ZNF536: variants seen among roughly 807,000 people sequenced by gnomAD.
ZNF536 encodes zinc finger protein 536.
A neutral mutation model predicts 84.5 loss-of-function variants in ZNF536; 13 were observed. The ratio of observed to expected loss-of-function variants is 0.15; its 90% CI spans 0.10 to 0.24. ZNF536 has a LOEUF of 0.24. Among genes scored for constraint, ZNF536 ranks in the 10% least tolerant of loss-of-function variants. The probability of loss-of-function intolerance (pLI) is 1.00; values close to 1 mark genes in which losing one functional copy is unlikely to be tolerated. For missense variants in ZNF536, 1,536 were observed against 1,747.5 expected, an observed-to-expected ratio of 0.88 and a Z score of 2.16; for synonymous variants, 811 against 742.5, an observed-to-expected ratio of 1.09 and a Z score of -1.50.
chr19:30,597,718 G>GT (rs1443090101), intron 1 of ZNF536, among the ~76,000 whole-genome samples: 1 of 152,088 alleles, frequency 6.6e-6, no homozygotes, highest in Non-Finnish European at 1.5e-5. Context: ...GCTACTGTCA[G>GT]TATTATTGTA....
intron 1 of ZNF536, among the ~76,000 whole-genome samples, chr19:30,282,869 A>G (rs546604422): frequency 6.6e-6 from 1 of 152,308 alleles, no homozygotes; most frequent in African/African-American, 2.4e-5. Flanking sequence ...CGTGTTGGAG[A>G]TGGTTGAGAC....
chr19:30,696,519 G>A (rs186425821), intron 1 of ZNF536, among the ~76,000 whole-genome samples: 1 of 152,326 alleles, frequency 6.6e-6, no homozygotes, highest in African/African-American at 2.4e-5. Flanking sequence ...AATGATTTAA[G>A]GTCCCCGATC....
At chr19:30,348,866 C>T (rs990596410) in intron 2 of ZNF536, among the ~76,000 whole-genome samples, 1 of 150,158 alleles carries the variant, frequency 6.7e-6, no homozygotes, top group Non-Finnish European at 1.5e-5. Context: ...AGAATGAATG[C>T]CAGTGCACCT....
intron 2 of ZNF536, among the ~76,000 whole-genome samples, chr19:30,486,935 T>C (rs2054324314): frequency 6.6e-6 from 1 of 152,316 alleles, no homozygotes; most frequent in Admixed American, 6.5e-5. Flanking sequence ...GGAACACAGT[T>C]CATCTGCTCT....
intron 2 of ZNF536, among the ~76,000 whole-genome samples, chr19:30,347,696 G>A (rs1425326041): frequency 6.6e-6 from 1 of 152,140 alleles, no homozygotes; most frequent in Non-Finnish European, 1.5e-5. Flanking sequence ...AGGTATACAG[G>A]GCCAGGGGTC....
intron 1 of ZNF536, among the ~76,000 whole-genome samples, chr19:30,420,822 T>C (rs1385764452): frequency 6.6e-6 from 1 of 152,308 alleles, no homozygotes; most frequent in Non-Finnish European, 1.5e-5. Context: ...CTCAGAATTA[T>C]GGTGCTATTT....
chr19:30,257,832 T>C (rs898896368), intron 1 of ZNF536, among the ~76,000 whole-genome samples: 6 of 152,246 alleles, frequency 3.9e-5, no homozygotes, highest in Admixed American at 6.5e-5. Context: ...TCTAAGAGTC[T>C]GCATGGGGAC....
At chr19:30,356,067 G>A (rs907095926) in intron 3 of ZNF536, among the ~76,000 whole-genome samples, 1 of 152,158 alleles carries the variant, frequency 6.6e-6, no homozygotes, top group Non-Finnish European at 1.5e-5. Flanking sequence ...AAACATTGAG[G>A]CAACCGTTGG....
At chr19:30,502,109 T>C (rs1283975107) in intron 2 of ZNF536, among the ~76,000 whole-genome samples, 1 of 152,226 alleles carries the variant, frequency 6.6e-6, no homozygotes, top group Non-Finnish European at 1.5e-5. Context: ...CCCATATCTT[T>C]GCCTGAACGA....
At chr19:30,618,747 TTTTG>T (rs1207443564) in intron 1 of ZNF536, among the ~76,000 whole-genome samples, 2 of 152,126 alleles carry the variant, frequency 1.3e-5, no homozygotes, top group African/African-American at 2.4e-5. Context: ...ATTTATTACT[TTTTG>T]TTTATTTTAT....
At chr19:30,262,275 C>T (rs558889923) in intron 1 of ZNF536, among the ~76,000 whole-genome samples, 1 of 152,224 alleles carries the variant, frequency 6.6e-6, no homozygotes. Context: ...GGCGGCTGCC[C>T]AGGACATAGG....
chr19:30,378,989 T>C (rs1484906272), intron 1 of ZNF536, among the ~76,000 whole-genome samples: 1 of 152,084 alleles, frequency 6.6e-6, no homozygotes, highest in Non-Finnish European at 1.5e-5. Context: ...ATAAGGAGTG[T>C]GGGGAGGGGG....
chr19:30,712,333 T>C lies in ZNF536; in HGVS notation c.*1332T>C, dbSNP rs1182821453. ...TGGTGTAAAGTTGAGCCTTTTAACA[T>C]ACTTCCTTTGAGTGACATGAAATTG... On this transcript the variant is annotated 3_prime_UTR_variant, in exon 2 of 2. Coordinates refer to the ZNF536 transcript ENST00000592773. The C allele has an allele frequency of 3.3e-5, 5 of 152,064 alleles. No homozygotes were observed. The East Asian group carries it at 9.6e-4, about 29-fold the overall frequency. The allele number at this position is 152,064 out of a possible 1,614,324, so 9.4% of individuals were successfully genotyped here. A position where few individuals can be genotyped will look rare whatever the true frequency, so the allele number is the denominator to read the frequency against.
chr19:30,529,442 T>C (rs960419843), intron 2 of ZNF536, among the ~76,000 whole-genome samples: 3 of 152,178 alleles, frequency 2.0e-5, no homozygotes, highest in Non-Finnish European at 4.4e-5. Context: ...TACTGCCGCT[T>C]TGTGGTCCAG....
upstream of ZNF536, among the ~76,000 whole-genome samples, chr19:30,225,806 G>T (rs1475566277): frequency 6.6e-6 from 1 of 150,986 alleles, no homozygotes; most frequent in African/African-American, 2.4e-5. Flanking sequence ...CTCTTGGCGC[G>T]GCCCCCCCGT....
At position 30,277,603 on chromosome 19, in the gene ZNF536, G is replaced by T. The variant is rs1003738885; in HGVS notation, c.-189-6469G>T. 2.0e-5 allele frequency among the ~76,000 whole-genome samples: 3 copies of T among 152,176 alleles called. 1 individual carries two copies. The highest frequency in any genetic ancestry group is 7.2e-5 in the African/African-American group (3 of 41,432). ...CGTATGATGCTGGGCTCTGTGTCAG[G>T]GTGGCAACTGCTGTCTACCTCCAAC... On this transcript the variant is annotated intron_variant, in intron 1 of 5. Coordinates refer to the ZNF536 transcript ENST00000585628.
downstream of ZNF536, among the ~76,000 whole-genome samples, chr19:30,560,817 A>C (rs1599809500): frequency 6.6e-6 from 1 of 152,264 alleles, no homozygotes; most frequent in East Asian, 1.9e-4. Flanking sequence ...ACTTTTTCTC[A>C]AAGAAACTTC....
intron 2 of ZNF536, among the ~76,000 whole-genome samples, chr19:30,489,071 G>A (rs1396139660): frequency 1.3e-5 from 2 of 152,100 alleles, no homozygotes; most frequent in East Asian, 1.9e-4. Flanking sequence ...GAATCACTGG[G>A]GCAGAGAACC....
intron 1 of ZNF536, among the ~76,000 whole-genome samples, chr19:30,607,710 CAAA>C (rs11424933): frequency 1.5e-5 from 2 of 131,530 alleles, no homozygotes; most frequent in Non-Finnish European, 1.6e-5. Flanking sequence ...TGACATGTCT[CAAA>C]AAAAAAAAAA....
Sources: gnomAD v4.1 joint callset for allele counts (sites outside exome capture counted in the v4.1 genomes callset) on GRCh38, gnomAD v4.1.1 for gene constraint, MANE v1.5 for transcripts, NCBI Gene and HGNC (gene_info 2026-07-23, HGNC 2026-07-21) for gene names.